POT1: variants seen among roughly 807,000 people sequenced by gnomAD.
POT1 encodes protection of telomeres 1.
A neutral mutation model predicts 78.5 loss-of-function variants in POT1; 47 were observed. The observed-to-expected ratio is 0.60, with a 90% confidence interval of 0.47 to 0.76. POT1 has a LOEUF of 0.76. Ranked by LOEUF, POT1 falls within the 30% of genes least tolerant of loss-of-function variation. The probability of loss-of-function intolerance (pLI) is 0.00; values close to 1 mark genes in which losing one functional copy is unlikely to be tolerated. For missense variants in POT1, 646 were observed against 749.9 expected, an observed-to-expected ratio of 0.86 and a Z score of 1.62; for synonymous variants, 259 against 260.7, an observed-to-expected ratio of 0.99 and a Z score of 0.06.
intron 3 of POT1, among the ~76,000 whole-genome samples, chr7:124,908,144 T>C (rs1796809045): frequency 6.6e-6 from 1 of 152,064 alleles, no homozygotes; most frequent in African/African-American, 2.4e-5. Flanking sequence ...AAGCATTAAA[T>C]AATTTTCCTA....
intron 14 of POT1, among the ~76,000 whole-genome samples, chr7:124,837,798 A>C (rs1248926160): frequency 6.6e-6 from 1 of 152,160 alleles, no homozygotes; most frequent in Non-Finnish European, 1.5e-5. Context: ...ACACATAAAA[A>C]AATACTCAGA....
At position 124,826,773 on chromosome 7, in the gene POT1, G is replaced by A. The variant is rs60911845; in HGVS notation, c.1686+441C>T. ...CAATCCCAGCTACTTGGGAGGCTGA[G>A]GCAGAGAACTGCTTGAACCCGGGAG... On this transcript the variant is annotated intron_variant, in intron 17 of 18. Transcript: ENST00000357628. Among the ~76,000 whole-genome samples the A allele has an allele frequency of 1.6e-3, 244 of 152,276 alleles. 1 individual carries two copies. Among genetic ancestry groups the A allele is most frequent in the African/African-American group, 5.7e-3 (236 of 41,562 alleles).
intron 7 of POT1, among the ~76,000 whole-genome samples, chr7:124,866,320 T>C (rs1795723239): frequency 6.6e-6 from 1 of 152,150 alleles, no homozygotes; most frequent in Non-Finnish European, 1.5e-5. Flanking sequence ...GGTGAAACCT[T>C]TGTGCTGCCT....
chr7:124,838,150 C>T (rs973646854), intron 14 of POT1, among the ~76,000 whole-genome samples: 1 of 152,084 alleles, frequency 6.6e-6, no homozygotes, highest in East Asian at 1.9e-4. Context: ...AGAACATTCC[C>T]TCTCATTGCT....
At chr7:124,922,717 G>A (rs934188054) in intron 2 of POT1, among the ~76,000 whole-genome samples, 1 of 151,678 alleles carries the variant, frequency 6.6e-6, no homozygotes, top group Non-Finnish European at 1.5e-5. Flanking sequence ...ACTCAGGAAG[G>A]AGAACAAAAA....
chr7:124,896,586 C>T (rs1370697387), intron 5 of POT1, among the ~76,000 whole-genome samples: 2 of 151,628 alleles, frequency 1.3e-5, no homozygotes, highest in Non-Finnish European at 1.5e-5. Context: ...TTAAACTATA[C>T]CAATAAATTA....
At chr7:124,923,494 A>G (rs533585685) in intron 2 of POT1, among the ~76,000 whole-genome samples, 2 of 152,016 alleles carry the variant, frequency 1.3e-5, no homozygotes, top group Admixed American at 1.3e-4. Context: ...AAAAAGCATA[A>G]AAAGGAATGA....
At chr7:124,892,980 A>G (rs1796407483) in intron 5 of POT1, among the ~76,000 whole-genome samples, 1 of 151,552 alleles carries the variant, frequency 6.6e-6, no homozygotes, top group Admixed American at 6.6e-5. Flanking sequence ...AAGCCCTGAA[A>G]ATGCAACTAG....
intron 6 of POT1, among the ~76,000 whole-genome samples, chr7:124,885,936 T>C (rs75561961): frequency 0.046 from 6,951 of 152,252 alleles, 188 homozygotes; most frequent in Non-Finnish European, 0.07. Context: ...TAGCATTATA[T>C]GTTCTTTTAA....
chr7:124,843,162 A>T (rs1795072012), intron 12 of POT1, 199 bp from the exon 13 acceptor site: 3 of 379,596 alleles, frequency 7.9e-6, no homozygotes, highest in Non-Finnish European at 1.4e-5. Flanking sequence ...GTAGGTACTC[A>T]ACAAATGTGT....
chr7:124,892,604 G>A (rs1357290185), intron 5 of POT1: 3 of 313,932 alleles, frequency 9.6e-6, no homozygotes, highest in East Asian at 5.3e-5. Flanking sequence ...GCTCATAAAG[G>A]CATAACCTAT....
intron 15 of POT1, among the ~76,000 whole-genome samples, chr7:124,831,541 A>T (rs573969679): frequency 6.6e-6 from 1 of 152,232 alleles, no homozygotes; most frequent in Non-Finnish European, 1.5e-5. Flanking sequence ...TTTAAAAAAA[A>T]ACTGTTTATG....
chr7:124,880,254 G>A (rs10464529), intron 6 of POT1, among the ~76,000 whole-genome samples: 32,917 of 152,046 alleles, frequency 0.22, 3,991 homozygotes, highest in East Asian at 0.3. Flanking sequence ...AGGGCAAAGA[G>A]TTCACTAGTC....
chr7:124,863,714 A>G (rs1795656129), intron 7 of POT1, 74 bp from the exon 8 acceptor site: 2 of 1,169,588 alleles, frequency 1.7e-6, no homozygotes, highest in East Asian at 2.4e-5. Context: ...CGAACCAAAG[A>G]AACTGGAAAG....
At position 124,925,400 on chromosome 7, in the gene POT1, C is replaced by T. The variant is rs140363415; in HGVS notation, c.-227+3415G>A. 2.5e-3 allele frequency among the ~76,000 whole-genome samples: 377 copies of T among 152,044 alleles called. 1 individual carries two copies. The highest frequency in any genetic ancestry group is 8.9e-3 in the African/African-American group (368 of 41,520). Reference sequence around the variant, plus strand: ...ATAAAATGCCTAGGAATATATTTAACTAACAAGGTGAAAGATCTCTGCAAG... The same window carrying T: ...ATAAAATGCCTAGGAATATATTTAATTAACAAGGTGAAAGATCTCTGCAAG... On this transcript the variant is annotated intron_variant, in intron 2 of 18. Coordinates refer to ENST00000357628, the MANE Select transcript of POT1 (RefSeq NM_015450.3).
At chr7:124,856,057 C>T (rs1795438893) in intron 9 of POT1, among the ~76,000 whole-genome samples, 1 of 152,046 alleles carries the variant, frequency 6.6e-6, no homozygotes, top group African/African-American at 2.4e-5. Context: ...CTCTAAAATA[C>T]ATTGCTTGTA....
intron 6 of POT1, among the ~76,000 whole-genome samples, chr7:124,878,146 C>T (rs1796034639): frequency 6.6e-6 from 1 of 152,052 alleles, no homozygotes; most frequent in Admixed American, 6.6e-5. Context: ...GCCTGGCCAA[C>T]ATGGCGAAAT....
chr7:124,899,156 A>G (rs1179339712), intron 3 of POT1, among the ~76,000 whole-genome samples: 1 of 152,202 alleles, frequency 6.6e-6, no homozygotes, highest in Non-Finnish European at 1.5e-5. Context: ...CCTGGTGTCA[A>G]TTCTCACAAT....
chr7:124,858,525 A>G (rs1422327241), intron 9 of POT1, among the ~76,000 whole-genome samples: 1 of 152,016 alleles, frequency 6.6e-6, no homozygotes, highest in Non-Finnish European at 1.5e-5. Flanking sequence ...AACTTGTAAT[A>G]TAAATATTAC....
Sources: allele counts gnomAD v4.1 joint callset (sites outside exome capture counted in the v4.1 genomes callset), GRCh38; gene constraint gnomAD v4.1.1; transcripts MANE v1.5; gene names NCBI Gene and HGNC (gene_info 2026-07-23, HGNC 2026-07-21).